The following CIP2A variants were observed in gnomAD, a reference collection of about 807,000 sequenced individuals.
CIP2A encodes the protein protein CIP2A.
In CIP2A, 103 loss-of-function variants were observed where a neutral mutation model predicts 110.9. The observed-to-expected ratio is 0.93, with a 90% CI of 0.79 to 1.09. The LOEUF (loss-of-function observed/expected upper bound fraction) is 1.09. Among genes scored for constraint, CIP2A ranks in the 50% least tolerant of loss-of-function variants. The pLI is 0.00. For missense variants in CIP2A, 1,088 were observed against 1,038.4 expected (o/e 1.05, Z -0.66); for synonymous variants, 381 against 361.6 (o/e 1.05, Z -0.61).
chr3:108,568,059 C>T, intron 10 of CIP2A, 96 bp downstream of exon 10: 1 of 942,022 alleles, frequency 1.1e-6, no homozygotes. Context: ...CATAAAGTGA[C>T]AAATTACAAA....
intron 14 of CIP2A, 52 bp from the exon 15 acceptor site, chr3:108,560,080 A>T: frequency 9.6e-7 from 1 of 1,044,332 alleles, no homozygotes; most frequent in Non-Finnish European, 1.4e-6. Flanking sequence ...ATTTTGACAC[A>T]ATGACAAAAT....
At position 108,585,198 on chromosome 3, in the gene CIP2A, C is replaced by A; in HGVS notation, c.117G>T (p.Gln39His). ...LLRHLEVISG[Q>H]KLTRLFTSNQ... ...TTGATGTAAATAGTCGTGTGAGTTT[C>A]TGTCCAGAAATTACCTATAAAATAG... is the stretch of plus-strand genomic sequence containing the variant. The change falls in exon 2 of 21, where the codon CAG becomes CAT. Residue 39 changes from glutamine to histidine, a missense_variant. By Grantham distance (24) the Gln-to-His change is conservative. Coordinates refer to ENST00000295746, the MANE Select transcript of CIP2A (RefSeq NM_020890.3). 6.2e-7 allele frequency: 1 copy of A among 1,609,374 alleles called. No homozygotes were observed. The highest frequency in any genetic ancestry group is 8.5e-7 in the Non-Finnish European group (1 of 1,177,670).
chr3:108,566,458 A>T (rs1465625837), intron 11 of CIP2A, 39 bp downstream of exon 11: 2 of 1,550,344 alleles, frequency 1.3e-6, no homozygotes, highest in Non-Finnish European at 1.7e-6. Context: ...TCGATTTTTT[A>T]CTGCCTTGCC....
At chr3:108,584,861 A>C (rs888249171) in intron 2 of CIP2A, 1 of 407,610 alleles carries the variant, frequency 2.5e-6, no homozygotes, top group Non-Finnish European at 4.3e-6. Flanking sequence ...CTTTAGTTCT[A>C]AATTCAGTGT....
rs367583303 is a variant in CIP2A, at chr3:108,576,275, G to A, written c.890C>T (p.Ser297Leu). 3.9e-6 allele frequency: 6 copies of A among 1,544,734 alleles called. No individual in the cohort carries two copies. Among genetic ancestry groups the A allele is most frequent in the Admixed American group, 2.0e-5 (1 of 50,234 alleles). ...LLNGKDPDSS[S>L]KVLELLLAFC... ...AAAAGTCATGTTTTTACATACCTTT[G>A]AAGAGGAATCAGGATCCTTTCCATT... Residue 297 changes from serine (S) to leucine (L), a missense_variant, in exon 8 of 21, where the codon TCA becomes TTA. Transcript: ENST00000295746.
chr3:108,587,282 T>C (rs572730436), intron 1 of CIP2A, among the ~76,000 whole-genome samples: 1 of 152,178 alleles, frequency 6.6e-6, no homozygotes, highest in African/African-American at 2.4e-5. Context: ...CAAATGCCTA[T>C]CAACAGGAAA....
chr3:108,566,476 C>T, intron 11 of CIP2A, 21 bp downstream of exon 11: 1 of 1,576,194 alleles, frequency 6.3e-7, no homozygotes, highest in Non-Finnish European at 8.6e-7. Context: ...GCCATTTTGT[C>T]ATTAGAGTTT....
rs1939201248 is a variant in CIP2A at position 108,588,939 on chromosome 3, T to C, written c.102+335A>G. Among the ~76,000 whole-genome samples the C allele has an allele frequency of 2.0e-5, 3 of 152,178 alleles. No individual in the cohort carries two copies. In the South Asian group the frequency reaches 6.2e-4, roughly 31 times the overall value. On this transcript the variant is annotated intron_variant, in intron 1 of 20. Coordinates refer to ENST00000295746, the MANE Select transcript of CIP2A (RefSeq NM_020890.3). ...GACTTTCCGTCACTGAGAATAGTTG[T>C]GTATTGAGGGCTTGGTTTCGTAGAA...
At chr3:108,587,941 G>A (rs1406794214) in intron 1 of CIP2A, among the ~76,000 whole-genome samples, 2 of 151,980 alleles carry the variant, frequency 1.3e-5, no homozygotes, top group Non-Finnish European at 1.5e-5. Context: ...GCCACGCCCA[G>A]GTAATTTTTG....
intron 16 of CIP2A, among the ~76,000 whole-genome samples, chr3:108,559,470 C>G (rs1412568003): frequency 6.6e-6 from 1 of 151,912 alleles, no homozygotes; most frequent in Non-Finnish European, 1.5e-5. Flanking sequence ...ATTGAAACCA[C>G]AGAACACATA....
chr3:108,584,834 A>G (rs1938993630), intron 2 of CIP2A: 3 of 358,344 alleles, frequency 8.4e-6, no homozygotes, highest in East Asian at 8.4e-5. Flanking sequence ...AGAAAAAGCA[A>G]CATCAGTACT....
rs368722879 is a variant in CIP2A, at chr3:108,569,586, A to C, written c.916T>G (p.Phe306Val). 2.3e-5 allele frequency: 37 copies of C among 1,612,262 alleles called. No homozygotes were observed. The highest frequency in any genetic ancestry group is 1.3e-4 in the African/African-American group (10 of 74,812). Reference sequence around the variant, plus strand: ...TGGCGCAGCTGAGTCACTGAACAGAAGGCAAGAAGTAATTCTAAAACCTGT... The same window carrying C: ...TGGCGCAGCTGAGTCACTGAACAGACGGCAAGAAGTAATTCTAAAACCTGT... ...SSKVLELLLA[F>V]CSVTQLRHML... is the part of the protein sequence containing the mutation. Residue 306 changes from phenylalanine (F) to valine (V), a missense_variant, in exon 9 of 21, where the codon TTC becomes GTC. By Grantham distance (50) the Phe-to-Val change is conservative. Coordinates refer to ENST00000295746, the MANE Select transcript of CIP2A (RefSeq NM_020890.3).
intron 9 of CIP2A, 46 bp downstream of exon 9, chr3:108,569,343 G>C (rs1382215099): frequency 1.1e-5 from 15 of 1,358,022 alleles, no homozygotes; most frequent in Non-Finnish European, 1.6e-5. Flanking sequence ...ATTGTTAACT[G>C]AGAGTCACAA....
At chr3:108,571,147 CAAT>C (rs1482051125) in intron 8 of CIP2A, among the ~76,000 whole-genome samples, 1 of 152,156 alleles carries the variant, frequency 6.6e-6, no homozygotes, top group Non-Finnish European at 1.5e-5. Context: ...CTAATAACAA[CAAT>C]ACCTTCTTCT....
At chr3:108,559,721 T>C in intron 16 of CIP2A, 36 bp downstream of exon 16, 1 of 1,241,520 alleles carries the variant, frequency 8.1e-7, no homozygotes, top group Non-Finnish European at 1.1e-6. Context: ...TTATTAATTT[T>C]TCTACAAATC....
At chr3:108,561,427 T>C (rs1010991868) in intron 13 of CIP2A, among the ~76,000 whole-genome samples, 16 of 152,176 alleles carry the variant, frequency 1.1e-4, no homozygotes, top group African/African-American at 3.9e-4. Context: ...CTCACACCTG[T>C]AACCGCAGCA....
At chr3:108,557,124 A>C in intron 17 of CIP2A, 94 bp downstream of exon 17, 1 of 726,792 alleles carries the variant, frequency 1.4e-6, no homozygotes, top group Non-Finnish European at 2.3e-6. Context: ...AGAATATATG[A>C]AATGCTTACA....
At chr3:108,589,155 C>G in intron 1 of CIP2A, 119 bp downstream of exon 1, 1 of 719,424 alleles carries the variant, frequency 1.4e-6, no homozygotes, top group Admixed American at 2.4e-5. Flanking sequence ...GAAAAGACAA[C>G]AGAGGGATCG....
intron 2 of CIP2A, chr3:108,584,737 C>T (rs1254307919): frequency 1.1e-5 from 2 of 188,922 alleles, no homozygotes; most frequent in Admixed American, 1.2e-4. Context: ...TATAATCACA[C>T]AAAGAAATAT....
Sources: gnomAD v4.1 joint callset for allele counts (sites outside exome capture counted in the v4.1 genomes callset) on GRCh38, gnomAD v4.1.1 for gene constraint, MANE v1.5 for transcripts, NCBI Gene and HGNC (gene_info 2026-07-23, HGNC 2026-07-21) for gene names.